Variants in GUCY1A1 observed in about 807,000 individuals in gnomAD.
The protein encoded by GUCY1A1 is guanylate cyclase soluble subunit alpha-1.
In GUCY1A1, 48 loss-of-function variants were observed where a neutral mutation model predicts 64.5. That is an observed-to-expected ratio of 0.74 (90% CI 0.59 to 0.95). The LOEUF (loss-of-function observed/expected upper bound fraction) is 0.95, where lower values mean the gene tolerates loss of function less well. Ranked by LOEUF, GUCY1A1 falls within the 40% of genes least tolerant of loss-of-function variation. The pLI, the probability that GUCY1A1 is intolerant of heterozygous loss-of-function variation, is 0.00. For synonymous variants in GUCY1A1, 308 were observed against 303.4 expected (o/e 1.02, Z -0.16); for missense variants, 804 against 825.3 (o/e 0.97, Z 0.32).
chr4:155,669,585 C>A (rs1733841871), intron 2 of GUCY1A1, among the ~76,000 whole-genome samples: 1 of 152,114 alleles, frequency 6.6e-6, no homozygotes, highest in South Asian at 2.1e-4. Flanking sequence ...ATTAAGGGAT[C>A]TTTCTTAAGA....
chr4:155,716,038 G>A lies in GUCY1A1; in HGVS notation c.1573-1121G>A, dbSNP rs150821829. ...ACTGAAGGAAAGGAGGGACAACCAC[G>A]TGGTTATCTGCAGAGAGATTGCTCC... On this transcript the variant is annotated intron_variant, in intron 7 of 9. Coordinates refer to ENST00000506455, the MANE Select transcript of GUCY1A1 (RefSeq NM_001130682.3). Among the ~76,000 whole-genome samples the A allele has an allele frequency of 2.8e-3, 420 of 152,222 alleles. 3 individuals are homozygous for A. The highest frequency in any genetic ancestry group is 9.4e-3 in the African/African-American group (389 of 41,556).
rs1029260900 is a variant in GUCY1A1 at position 155,733,701 on chromosome 4, G to A, written c.*3470G>A. ...AAAAGAAGCAACATGAGTAAAATTA[G>A]ATCCATTGGCTACTGACTCCCTCTC... On this transcript the variant is annotated 3_prime_UTR_variant, in exon 10 of 10. Transcript: ENST00000506455. Among the ~76,000 whole-genome samples, 1 of 150,342 alleles carries A rather than the reference G, an allele frequency of 6.7e-6. No homozygotes were observed. The highest frequency in any genetic ancestry group is 6.7e-5 in the Admixed American group (1 of 14,972).
chr4:155,684,639 C>T (rs1053320234), intron 2 of GUCY1A1, among the ~76,000 whole-genome samples: 11 of 152,290 alleles, frequency 7.2e-5, no homozygotes, highest in African/African-American at 2.6e-4. Context: ...AGCCTTTTCT[C>T]TGGGGTCATA....
At chr4:155,721,826 T>G (rs1013661114) in intron 8 of GUCY1A1, among the ~76,000 whole-genome samples, 2 of 152,106 alleles carry the variant, frequency 1.3e-5, no homozygotes, top group African/African-American at 4.8e-5. Flanking sequence ...TAAACCTAAA[T>G]GGAAAAGAGT....
intron 2 of GUCY1A1, among the ~76,000 whole-genome samples, chr4:155,681,056 T>C (rs1735689247): frequency 6.6e-6 from 1 of 152,132 alleles, no homozygotes; most frequent in Non-Finnish European, 1.5e-5. Context: ...TTCTGTACAA[T>C]ATTGATTAGA....
At position 155,730,145 on chromosome 4, in the gene GUCY1A1, G is replaced by A. The variant is rs1215759637; in HGVS notation, c.1987G>A (p.Gly663Arg). 4.3e-6 allele frequency: 7 copies of A among 1,611,862 alleles called. No individual in the cohort carries two copies. In the Admixed American group the frequency reaches 8.4e-5, roughly 19 times the overall value. The change falls in exon 10 of 10, where the codon GGA (glycine) becomes AGA (arginine). Residue 663 changes from glycine to arginine, a missense_variant. By Grantham distance (125) the Gly-to-Arg change is moderately radical (BLOSUM62 -2). Transcript: ENST00000506455. ...CCATTTTCTGGATGCTTACCAACAA[G>A]GAACAAACTCAAAACCATGCTTCCA... ...ICHFLDAYQQ[G>R]TNSKPCFQKK...
chr4:155,725,425 A>T (rs1368151439), intron 9 of GUCY1A1, among the ~76,000 whole-genome samples: 1 of 152,070 alleles, frequency 6.6e-6, no homozygotes, highest in Admixed American at 6.6e-5. Context: ...CTCTCTCTGT[A>T]GGCATTAAGA....
Position 155,722,535 on chromosome 4 carries a change from A to G in GUCY1A1, c.1871+343A>G, listed in dbSNP as rs1053446330. 1.7e-4 allele frequency: 120 copies of G among 692,412 alleles called. No homozygotes were observed. The Admixed American group carries it at 6.6e-3, about 38-fold the overall frequency. The allele number at this position is 692,412 out of a possible 1,614,324, so 42.9% of individuals were successfully genotyped here. ...CTGCAGTGCAGTTCTGGCAGTAAAC[A>G]CCCAGACTCAGCACAGTCATAACCA... is the stretch of plus-strand genomic sequence containing the variant. On this transcript the variant is annotated intron_variant, in intron 9 of 9. Transcript: ENST00000506455.
chr4:155,727,102 G>C (rs1734795035), intron 9 of GUCY1A1, among the ~76,000 whole-genome samples: 1 of 151,990 alleles, frequency 6.6e-6, no homozygotes, highest in Admixed American at 6.6e-5. Context: ...AAAGATAACA[G>C]AGAATTGGAG....
Position 155,735,873 on chromosome 4 carries a change from G to A in GUCY1A1, c.*5642G>A, listed in dbSNP as rs778341330. 1.1e-4 allele frequency: 17 copies of A among 151,998 alleles called. No individual in the cohort carries two copies. The highest frequency in any genetic ancestry group is 6.2e-4 in the South Asian group (3 of 4,824). 9.4% of individuals were successfully genotyped at this position (151,998 alleles called of 1,614,324 possible). A position where few individuals can be genotyped will look rare whatever the true frequency, so the allele number is the denominator to read the frequency against. On this transcript the variant is annotated 3_prime_UTR_variant, in exon 10 of 10. Coordinates refer to ENST00000506455, the MANE Select transcript of GUCY1A1 (RefSeq NM_001130682.3). ...TGGCAACAGTGGTCTGGGAATTCTG[G>A]GCCTTTAGAAATAATCATTCCCAGT... is the stretch of plus-strand genomic sequence containing the variant.
chr4:155,676,218 T>C (rs1405945933), intron 2 of GUCY1A1, among the ~76,000 whole-genome samples: 1 of 149,636 alleles, frequency 6.7e-6, no homozygotes, highest in East Asian at 1.9e-4. Context: ...GAGACCTAAA[T>C]AGGGTGTATT....
chr4:155,668,276 T>C (rs2126462358), intron 2 of GUCY1A1: 1 of 152,414 alleles, frequency 6.6e-6, no homozygotes, highest in Non-Finnish European at 1.5e-5. Flanking sequence ...ATGGTTATTC[T>C]TTCATTTTGC....
intron 2 of GUCY1A1, among the ~76,000 whole-genome samples, chr4:155,690,110 A>C: frequency 6.6e-6 from 1 of 152,320 alleles, no homozygotes; most frequent in East Asian, 1.9e-4. Flanking sequence ...GGTGTTATAT[A>C]ATATTAGAAA....
intron 3 of GUCY1A1, among the ~76,000 whole-genome samples, chr4:155,700,649 C>T (rs534949660): frequency 6.6e-6 from 1 of 152,260 alleles, no homozygotes; most frequent in Non-Finnish European, 1.5e-5. Context: ...CTTGAGAGCA[C>T]TACAAACTAT....
At chr4:155,715,613 G>A (rs1733131107) in intron 7 of GUCY1A1, among the ~76,000 whole-genome samples, 1 of 152,164 alleles carries the variant, frequency 6.6e-6, no homozygotes, top group Non-Finnish European at 1.5e-5. Flanking sequence ...TGCAAAAGCA[G>A]ATATGGTAGG....
At chr4:155,727,259 T>C (rs1210368558) in intron 9 of GUCY1A1, among the ~76,000 whole-genome samples, 1 of 151,932 alleles carries the variant, frequency 6.6e-6, no homozygotes, top group Non-Finnish European at 1.5e-5. Flanking sequence ...TTTTTCTAAA[T>C]GGTTTTTCTT....
chr4:155,711,211 G>T lies in GUCY1A1; in HGVS notation c.1046G>T (p.Arg349Leu). The change falls in exon 6 of 10, where the codon CGA becomes CTA. Residue 349 changes from arginine to leucine, a missense_variant. Physicochemically the swap from Arg to Leu is moderately radical, Grantham distance 102 (BLOSUM62 -2). Coordinates refer to ENST00000506455, the MANE Select transcript of GUCY1A1 (RefSeq NM_001130682.3). ...ATGTTGAATATGCAGTTTGTTGTAC[G>T]AGTGAGGAGATGGGACAACTCTGTG... is the stretch of plus-strand genomic sequence containing the variant. ...MTMLNMQFVV[R>L]VRRWDNSVKK... The T allele has an allele frequency of 6.2e-7, 1 of 1,608,578 alleles. No individual in the cohort carries two copies. The highest frequency in any genetic ancestry group is 1.1e-5 in the South Asian group (1 of 90,910).
At position 155,730,156 on chromosome 4, in the gene GUCY1A1, A is replaced by G; in HGVS notation, c.1998A>G (p.Ser666=). ...FLDAYQQGTN[S]KPCFQKKDVE... The stretch of plus-strand genomic sequence containing the variant: ...ATGCTTACCAACAAGGAACAAACTC[A>G]AAACCATGCTTCCAAAAGAAAGATG... The change falls in exon 10 of 10, where the codon TCA becomes TCG. Residue 666 remains serine, a synonymous_variant. Coordinates refer to ENST00000506455, the MANE Select transcript of GUCY1A1 (RefSeq NM_001130682.3). The G allele has an allele frequency of 6.2e-7, 1 of 1,611,984 alleles. No individual in the cohort carries two copies. The highest frequency in any genetic ancestry group is 1.1e-5 in the South Asian group (1 of 91,014).
intron 2 of GUCY1A1, among the ~76,000 whole-genome samples, chr4:155,683,964 A>G (rs1449760955): frequency 2.0e-5 from 3 of 152,080 alleles, no homozygotes; most frequent in Non-Finnish European, 4.4e-5. Flanking sequence ...ACACCTATAC[A>G]CCTCCTGAGC....
Sources: gnomAD v4.1 joint callset for allele counts (sites outside exome capture counted in the v4.1 genomes callset) on GRCh38, gnomAD v4.1.1 for gene constraint, MANE v1.5 for transcripts, NCBI Gene and HGNC (gene_info 2026-07-23, HGNC 2026-07-21) for gene names.